Variants in LCOR observed in about 807,000 individuals in gnomAD.
LCOR encodes the protein ligand dependent nuclear receptor corepressor.
Under a neutral mutation model 64.4 loss-of-function variants are expected in LCOR, and 14 were observed. That is an observed-to-expected ratio of 0.22 (90% CI 0.14 to 0.34). LCOR has a LOEUF of 0.34. Among genes scored for constraint, LCOR ranks in the 10% least tolerant of loss-of-function variants. LCOR has a pLI of 1.00. For missense variants in LCOR, 1,686 were observed against 1,765.3 expected (o/e 0.96, Z 0.80); for synonymous variants, 643 against 642.5 (o/e 1.00, Z -0.01).
chr10:96,883,935 A>G (rs1846302315), intron 2 of LCOR, among the ~76,000 whole-genome samples: 1 of 152,218 alleles, frequency 6.6e-6, no homozygotes, highest in Admixed American at 6.5e-5. Context: ...TTTCTTAAAT[A>G]ATGGATTTTT....
intron 2 of LCOR, among the ~76,000 whole-genome samples, chr10:96,873,567 CACACGTGTGTGTGTGTGTGT>C (rs1277085940): frequency 2.5e-5 from 3 of 118,402 alleles, no homozygotes; most frequent in East Asian, 2.7e-4. Flanking sequence ...TACACACACA[CACACGTGTGTGTGTGTGTGT>C]GTGTGTGTGT....
intron 4 of LCOR, among the ~76,000 whole-genome samples, chr10:96,932,568 A>G (rs1564629912): frequency 6.6e-6 from 1 of 151,994 alleles, no homozygotes; most frequent in South Asian, 2.1e-4. Flanking sequence ...GGTTCAAGCA[A>G]TTCTCCTGCC....
intron 2 of LCOR, among the ~76,000 whole-genome samples, chr10:96,854,654 A>G (rs763981210): frequency 6.6e-6 from 1 of 152,176 alleles, no homozygotes; most frequent in Non-Finnish European, 1.5e-5. Context: ...GTCAGTAGGT[A>G]TTCTTCAAGC....
At chr10:96,947,266 A>C (rs1206227660) in intron 5 of LCOR, among the ~76,000 whole-genome samples, 1 of 152,092 alleles carries the variant, frequency 6.6e-6, no homozygotes, top group Non-Finnish European at 1.5e-5. Flanking sequence ...TTAGTGTGAC[A>C]GAAGCGTTAT....
intron 6 of LCOR, 90 bp downstream of exon 6, chr10:96,949,385 A>T (rs1269125056): frequency 5.5e-6 from 6 of 1,100,226 alleles, no homozygotes; most frequent in African/African-American, 1.6e-5. Context: ...GAGCATCAGC[A>T]GCAATAATAG....
At chr10:96,916,591 AT>A (rs1564624708) in intron 4 of LCOR, among the ~76,000 whole-genome samples, 10 of 148,594 alleles carry the variant, frequency 6.7e-5, no homozygotes, top group African/African-American at 2.2e-4. Context: ...TAAAGGCTAT[AT>A]ATATATATAT....
chr10:96,862,095 A>G (rs2134393406), intron 2 of LCOR, among the ~76,000 whole-genome samples: 1 of 152,286 alleles, frequency 6.6e-6, no homozygotes, highest in East Asian at 1.9e-4. Flanking sequence ...ATGATATTAC[A>G]AAGATACAGG....
chr10:96,921,583 A>C (rs531910182), intron 4 of LCOR, among the ~76,000 whole-genome samples: 4 of 152,280 alleles, frequency 2.6e-5, no homozygotes, highest in Admixed American at 1.3e-4. Context: ...TGCTTCAGCC[A>C]TAAGAGTAGC....
chr10:96,965,563 G>A (rs1847940465), intron 7 of LCOR, among the ~76,000 whole-genome samples: 2 of 149,586 alleles, frequency 1.3e-5, no homozygotes, highest in Admixed American at 6.6e-5. Context: ...TCGGGAGGCT[G>A]AGGCAGGAGA....
chr10:96,923,071 C>T (rs1847109127), intron 4 of LCOR, among the ~76,000 whole-genome samples: 1 of 152,186 alleles, frequency 6.6e-6, no homozygotes, highest in African/African-American at 2.4e-5. Context: ...AGATAATTGA[C>T]CTTAAAGTGT....
intron 5 of LCOR, among the ~76,000 whole-genome samples, chr10:96,947,694 A>G (rs1445610447): frequency 6.6e-6 from 1 of 151,896 alleles, no homozygotes; most frequent in Non-Finnish European, 1.5e-5. Flanking sequence ...CTAATCACCT[A>G]TATAAATTTG....
rs527793758 is a variant in LCOR at position 96,965,058 on chromosome 10, G to C, written c.332+12862G>C. Among the ~76,000 whole-genome samples, 40 of 151,856 alleles carry C rather than the reference G, an allele frequency of 2.6e-4. 1 individual carries two copies. The East Asian group carries it at 3.7e-3, about 14-fold the overall frequency. ...GAGTCTCGCTCTGTCTCCCAGGCTG[G>C]AATGCAGTGGCACGATCTCGGCTCA... On this transcript the variant is annotated intron_variant, in intron 7 of 7. Coordinates refer to ENST00000421806, the MANE Select transcript of LCOR (RefSeq NM_001346516.2).
chr10:96,918,968 TAA>T (rs1847002319), intron 4 of LCOR, among the ~76,000 whole-genome samples: 1 of 152,224 alleles, frequency 6.6e-6, no homozygotes, highest in African/African-American at 2.4e-5. Flanking sequence ...AGAAAAGTAA[TAA>T]GATTTCGTTA....
At position 96,981,956 on chromosome 10, in the gene LCOR, A is replaced by G; in HGVS notation, c.1496A>G (p.Lys499Arg). 1 of 1,614,180 alleles carries G rather than the reference A, an allele frequency of 6.2e-7. No individual in the cohort carries two copies. Among genetic ancestry groups the G allele is most frequent in the Non-Finnish European group, 8.5e-7 (1 of 1,180,040 alleles). Residue 499 changes from lysine to arginine, a missense_variant, in exon 8 of 8, where the codon AAG becomes AGG. By Grantham distance (26) the Lys-to-Arg change is conservative. Transcript: ENST00000421806. ...SILSSRKTAR[K>R]STRGYFFNGD... ...TTATCTTCTCGGAAAACAGCCAGAAAGAGTACTCGAGGATACTTTTTCAAT... is the reference window on the plus strand; with the variant it reads ...TTATCTTCTCGGAAAACAGCCAGAAGGAGTACTCGAGGATACTTTTTCAAT...
At chr10:96,881,776 T>A (rs752736490) in intron 2 of LCOR, among the ~76,000 whole-genome samples, 5 of 152,148 alleles carry the variant, frequency 3.3e-5, no homozygotes, top group Non-Finnish European at 7.4e-5. Flanking sequence ...TTATTTTAAT[T>A]GAGAATATTA....
intron 2 of LCOR, among the ~76,000 whole-genome samples, chr10:96,858,827 T>C (rs1845843675): frequency 6.6e-6 from 1 of 152,154 alleles, no homozygotes; most frequent in Non-Finnish European, 1.5e-5. Flanking sequence ...TAACTTAGAT[T>C]CCAGAACCCT....
intron 2 of LCOR, among the ~76,000 whole-genome samples, chr10:96,839,122 GTT>G (rs1260351157): frequency 2.0e-5 from 3 of 152,214 alleles, no homozygotes; most frequent in African/African-American, 7.2e-5. Context: ...CTAACAGTGT[GTT>G]AAGCATCTTT....
rs1331914275 is a variant in LCOR at position 96,984,133 on chromosome 10, C to G, written c.3673C>G (p.Leu1225Val). ...HPLQKYAPSSLYPSSLQAERL... is the reference protein window; with the variant it reads ...HPLQKYAPSSVYPSSLQAERL... Reference sequence around the variant, plus strand: ...TCTTCAGAAATACGCTCCTTCCAGCCTATATCCCAGTTCACTACAGGCTGA... The same window carrying G: ...TCTTCAGAAATACGCTCCTTCCAGCGTATATCCCAGTTCACTACAGGCTGA... The change falls in exon 8 of 8, where the codon CTA becomes GTA. Residue 1225 changes from leucine (L) to valine (V), a missense_variant. By Grantham distance (32) the Leu-to-Val change is conservative. Transcript: ENST00000421806. 6.2e-7 allele frequency: 1 copy of G among 1,614,186 alleles called. No individual in the cohort carries two copies. Among genetic ancestry groups the G allele is most frequent in the Non-Finnish European group, 8.5e-7 (1 of 1,180,034 alleles).
chr10:96,888,602 A>G (rs1318141446), intron 2 of LCOR, among the ~76,000 whole-genome samples: 2 of 152,252 alleles, frequency 1.3e-5, no homozygotes, highest in East Asian at 1.9e-4. Context: ...ATGACCAGTA[A>G]TGATGTTACA....
Sources: allele counts gnomAD v4.1 joint callset (sites outside exome capture counted in the v4.1 genomes callset), GRCh38; gene constraint gnomAD v4.1.1; transcripts MANE v1.5; gene names NCBI Gene and HGNC (gene_info 2026-07-23, HGNC 2026-07-21).